FAR2: variants seen among roughly 807,000 people sequenced by gnomAD.
FAR2 encodes the protein epididymis secretory protein Li 81.
In FAR2, 19 loss-of-function variants were observed where a neutral mutation model predicts 56.0. That is an observed-to-expected ratio of 0.34 (90% confidence interval 0.24 to 0.50). The LOEUF (loss-of-function observed/expected upper bound fraction) is 0.50. Among genes scored for constraint, FAR2 ranks in the 20% least tolerant of loss-of-function variants. FAR2 has a pLI of 0.98. For missense variants in FAR2, 508 were observed against 642.2 expected (o/e 0.79, Z 2.26); for synonymous variants, 219 against 218.8 (o/e 1.00, Z -0.01).
At chr12:29,242,828 A>C (rs1313780281) in intron 1 of FAR2, among the ~76,000 whole-genome samples, 1 of 152,194 alleles carries the variant, frequency 6.6e-6, no homozygotes, top group Non-Finnish European at 1.5e-5. Flanking sequence ...AATGAGGGAG[A>C]TCAGGTTCCA....
At position 29,311,152 on chromosome 12, in the gene FAR2, G is replaced by C; in HGVS notation, c.887+6G>C. The stretch of plus-strand genomic sequence containing the variant: ...TGGTATACTGCAGTTCACAGGTGTG[G>C]ATGCTCAAGTGGGCTTTCAAAGACT... On this transcript the variant is annotated splice_donor_region_variant and intron_variant, in intron 7 of 11. Coordinates refer to ENST00000536681, the MANE Select transcript of FAR2 (RefSeq NM_001271783.2). 6.2e-7 allele frequency: 1 copy of C among 1,601,046 alleles called. No individual in the cohort carries two copies. Among genetic ancestry groups the C allele is most frequent in the Non-Finnish European group, 8.6e-7 (1 of 1,168,356 alleles).
In FAR2 at chr12:29,296,846, T is replaced by TAAAAC. The variant is rs1459629220; in HGVS notation, c.366-173_366-169dup. Among the ~76,000 whole-genome samples the TAAAAC allele has an allele frequency of 6.6e-5, 10 of 152,368 alleles. No homozygotes were observed. In the South Asian group the frequency reaches 1.9e-3, roughly 28 times the overall value. ...GTGCACAAAACACATCATCACTACA[T>TAAAAC]AAAACATTCCGAGTATCACATAACT... On this transcript the variant is annotated intron_variant, in intron 3 of 11. Transcript: ENST00000536681.
rs867370057 is a variant in FAR2, at chr12:29,335,227, A to G, written c.*1433A>G. The G allele has an allele frequency of 6.6e-6, 1 of 152,202 alleles. No homozygotes were observed. Among genetic ancestry groups the G allele is most frequent in the African/African-American group, 2.4e-5 (1 of 41,460 alleles). The allele number at this position is 152,202 out of a possible 1,614,324, so 9.4% of individuals were successfully genotyped here. ...TGGTAGTTTAAGTGTACAAGGCCTT[A>G]GGGCAGTATCTAGCCCAGTATTATT... On this transcript the variant is annotated 3_prime_UTR_variant, in exon 12 of 12. Transcript: ENST00000536681.
intron 1 of FAR2, among the ~76,000 whole-genome samples, chr12:29,151,138 T>C (rs1949678776): frequency 6.6e-6 from 1 of 152,222 alleles, no homozygotes; most frequent in Non-Finnish European, 1.5e-5. Flanking sequence ...TCATCAGTGT[T>C]AAGAATTCCT....
intron 1 of FAR2, among the ~76,000 whole-genome samples, chr12:29,160,684 C>T (rs1731333283): frequency 1.3e-5 from 2 of 152,180 alleles, no homozygotes; most frequent in African/African-American, 2.4e-5. Context: ...GGGTTGGCTT[C>T]TGAGAGCTGT....
intron 1 of FAR2, among the ~76,000 whole-genome samples, chr12:29,177,419 A>G (rs1949949203): frequency 6.6e-6 from 1 of 152,226 alleles, no homozygotes; most frequent in African/African-American, 2.4e-5. Flanking sequence ...TATTATTATA[A>G]AAATACTTCT....
chr12:29,174,885 C>A (rs929897250), intron 1 of FAR2, among the ~76,000 whole-genome samples: 17 of 152,200 alleles, frequency 1.1e-4, no homozygotes, highest in Non-Finnish European at 2.4e-4. Context: ...GCCACAAGGT[C>A]AACCAACTTG....
At chr12:29,231,302 G>A (rs1310429169) in intron 1 of FAR2, among the ~76,000 whole-genome samples, 6 of 152,138 alleles carry the variant, frequency 3.9e-5, no homozygotes, top group Admixed American at 6.6e-5. Context: ...GCAAATGCCA[G>A]GACTCCATAG....
chr12:29,332,084 C>T (rs1424158837), intron 10 of FAR2: 2 of 158,764 alleles, frequency 1.3e-5, no homozygotes, highest in Non-Finnish European at 2.7e-5. Flanking sequence ...ACCAATCACT[C>T]TCTTCTTAAA....
chr12:29,224,324 T>C (rs1324775964), intron 1 of FAR2, among the ~76,000 whole-genome samples: 2 of 152,234 alleles, frequency 1.3e-5, no homozygotes, highest in Non-Finnish European at 2.9e-5. Flanking sequence ...AGTAAGTTTC[T>C]GTATCACCAA....
At chr12:29,227,452 G>A (rs1407963480) in intron 1 of FAR2, among the ~76,000 whole-genome samples, 2 of 152,132 alleles carry the variant, frequency 1.3e-5, no homozygotes, top group East Asian at 3.9e-4. Flanking sequence ...ATCTTTCTTA[G>A]GGTCAATAAC....
At chr12:29,192,594 G>A (rs1295746217) in intron 1 of FAR2, among the ~76,000 whole-genome samples, 1 of 152,070 alleles carries the variant, frequency 6.6e-6, no homozygotes, top group Non-Finnish European at 1.5e-5. Flanking sequence ...AAACCCCTGA[G>A]TTCTTTAAAC....
chr12:29,317,051 A>G (rs1219351175), intron 9 of FAR2, 39 bp downstream of exon 9: 5 of 1,568,820 alleles, frequency 3.2e-6, no homozygotes, highest in Non-Finnish European at 4.3e-6. Context: ...GTGTCACTGC[A>G]TGGGAGATTA....
intron 1 of FAR2, among the ~76,000 whole-genome samples, chr12:29,177,354 T>C (rs566628855): frequency 6.6e-6 from 1 of 152,278 alleles, no homozygotes; most frequent in South Asian, 2.1e-4. Flanking sequence ...CAGGTTTGAT[T>C]AGAGATTTTT....
chr12:29,323,947 C>T (rs542453123), intron 10 of FAR2, among the ~76,000 whole-genome samples: 10 of 152,196 alleles, frequency 6.6e-5, no homozygotes, highest in African/African-American at 2.2e-4. Flanking sequence ...TCAAATTACT[C>T]TGAGCTAAAG....
chr12:29,263,603 C>T (rs376740697), intron 1 of FAR2, among the ~76,000 whole-genome samples: 1 of 151,398 alleles, frequency 6.6e-6, no homozygotes, highest in East Asian at 2.0e-4. Context: ...AAAATGGAAA[C>T]ACAGCATACC....
At chr12:29,159,804 G>A (rs1464962753) in intron 1 of FAR2, among the ~76,000 whole-genome samples, 1 of 152,150 alleles carries the variant, frequency 6.6e-6, no homozygotes, top group Non-Finnish European at 1.5e-5. Context: ...AAGTACTTAA[G>A]TGCTAATCCT....
At chr12:29,319,496 T>C (rs1198162722) in intron 9 of FAR2, among the ~76,000 whole-genome samples, 32 of 152,206 alleles carry the variant, frequency 2.1e-4, no homozygotes, top group Admixed American at 2.1e-3. Context: ...CTGCTCCCTA[T>C]TTTCCTATTG....
chr12:29,203,843 C>CA (rs1947444704), intron 1 of FAR2, among the ~76,000 whole-genome samples: 1 of 151,036 alleles, frequency 6.6e-6, no homozygotes, highest in African/African-American at 2.4e-5. Context: ...ACTAAAAATA[C>CA]AAAAAAATTA....
Sources: gnomAD v4.1 joint callset for allele counts (sites outside exome capture counted in the v4.1 genomes callset) on GRCh38, gnomAD v4.1.1 for gene constraint, MANE v1.5 for transcripts, NCBI Gene and HGNC (gene_info 2026-07-23, HGNC 2026-07-21) for gene names.